NREP: variants seen among roughly 807,000 people sequenced by gnomAD.
NREP encodes neuronal regeneration-related protein.
Under a neutral mutation model 8.6 loss-of-function variants are expected in NREP, and 5 were observed. The ratio of observed to expected loss-of-function variants is 0.58; its 90% CI spans 0.30 to 1.22. NREP has a LOEUF of 1.22. NREP is among the 50% of genes most tolerant of loss of function. NREP has a pLI of 0.07. For missense variants in NREP, 86 were observed against 82.5 expected (o/e 1.04, Z -0.17); for synonymous variants, 27 against 28.0 (o/e 0.96, Z 0.11).
chr5:111,735,239 T>G, intron 3 of NREP, 191 bp downstream of exon 3: 1 of 449,622 alleles, frequency 2.2e-6, no homozygotes, highest in Non-Finnish European at 4.0e-6. Flanking sequence ...AGGAAGATAA[T>G]GTGAACTTTA....
intron 2 of NREP, among the ~76,000 whole-genome samples, chr5:111,843,034 T>A (rs551179127): frequency 1.1e-3 from 172 of 152,294 alleles, no homozygotes; most frequent in Non-Finnish European, 2.1e-3. Flanking sequence ...ATCTTTTTTA[T>A]GTTTAATCTA....
chr5:111,782,642 A>T (rs1751519375), intron 2 of NREP, among the ~76,000 whole-genome samples: 1 of 152,174 alleles, frequency 6.6e-6, no homozygotes, highest in South Asian at 2.1e-4. Flanking sequence ...TGATGAGTAA[A>T]ACAGAGAAAA....
intron 1 of NREP, chr5:111,756,296 T>TAAAAAAAAAA: frequency 4.2e-6 from 1 of 237,980 alleles, no homozygotes; most frequent in Non-Finnish European, 5.1e-6. Context: ...CTTCCGTGTT[T>TAAAAAAAAAA]AAAAAAAAAA....
chr5:111,776,415 G>A (rs1204222216), intron 2 of NREP, among the ~76,000 whole-genome samples: 1 of 152,120 alleles, frequency 6.6e-6, no homozygotes, highest in Non-Finnish European at 1.5e-5. Flanking sequence ...GTTTAGCAAT[G>A]TTCACTAAAG....
intron 2 of NREP, among the ~76,000 whole-genome samples, chr5:111,864,640 A>G (rs1285805658): frequency 6.6e-6 from 1 of 152,130 alleles, no homozygotes; most frequent in Non-Finnish European, 1.5e-5. Context: ...AAAGTTTGAG[A>G]AACACTGCTC....
intron 2 of NREP, among the ~76,000 whole-genome samples, chr5:111,786,449 T>A (rs1433271817): frequency 6.6e-6 from 1 of 152,206 alleles, no homozygotes; most frequent in Non-Finnish European, 1.5e-5. Flanking sequence ...TCTGTCTCTC[T>A]CCTGACCTCC....
At chr5:111,773,011 T>C (rs1751272696) in intron 2 of NREP, among the ~76,000 whole-genome samples, 1 of 152,204 alleles carries the variant, frequency 6.6e-6, no homozygotes, top group Non-Finnish European at 1.5e-5. Context: ...GTATTGATAA[T>C]TCTAGAATTT....
intron 2 of NREP, among the ~76,000 whole-genome samples, chr5:111,767,694 CTT>C (rs1751118782): frequency 2.0e-5 from 3 of 152,080 alleles, no homozygotes; most frequent in Admixed American, 2.0e-4. Flanking sequence ...GAGACAGAGT[CTT>C]TCTCTGTAAC....
intron 2 of NREP, among the ~76,000 whole-genome samples, chr5:111,788,413 G>A (rs554880930): frequency 1.3e-5 from 2 of 152,248 alleles, no homozygotes; most frequent in South Asian, 2.1e-4. Context: ...TGGAAATTAG[G>A]GAGAGAAACT....
In NREP at chr5:111,884,083, C is replaced by A. The variant is rs1034041204; in HGVS notation, c.135+91191G>T. Among the ~76,000 whole-genome samples, 15 of 151,728 alleles carry A rather than the reference C, an allele frequency of 9.9e-5. No homozygotes were observed. The South Asian group carries it at 3.1e-3, about 32-fold the overall frequency. On this transcript the variant is annotated intron_variant, in intron 2 of 3. Transcript: ENST00000395634. ...AAAACTGATAGACCACTAGGAAGAC[C>A]AATAAAGAAGAAAAGAGAGAAGAAT...
At chr5:111,785,125 G>T (rs1030946284) in intron 2 of NREP, among the ~76,000 whole-genome samples, 1 of 152,108 alleles carries the variant, frequency 6.6e-6, no homozygotes, top group East Asian at 1.9e-4. Flanking sequence ...TCTTCCAAGC[G>T]CCAATCCATC....
chr5:111,867,454 C>T (rs1013774279), intron 2 of NREP, among the ~76,000 whole-genome samples: 5 of 152,128 alleles, frequency 3.3e-5, no homozygotes, highest in Admixed American at 2.0e-4. Flanking sequence ...ATAAGGCCAC[C>T]AATGCTGTTG....
intron 2 of NREP, among the ~76,000 whole-genome samples, chr5:111,970,532 G>C (rs1356769530): frequency 6.6e-6 from 1 of 152,078 alleles, no homozygotes; most frequent in Non-Finnish European, 1.5e-5. Flanking sequence ...GATATGGCAA[G>C]AAGTCTTACT....
intron 2 of NREP, among the ~76,000 whole-genome samples, chr5:111,796,286 T>C (rs1308635279): frequency 1.3e-5 from 2 of 152,142 alleles, no homozygotes; most frequent in Non-Finnish European, 2.9e-5. Context: ...TTTGCCTCCT[T>C]CTTTCATCTT....
At chr5:111,902,516 T>C (rs932644194) in intron 2 of NREP, among the ~76,000 whole-genome samples, 1 of 152,028 alleles carries the variant, frequency 6.6e-6, no homozygotes, top group African/African-American at 2.4e-5. Context: ...CAAACTACAA[T>C]CAAAGTAACA....
intron 2 of NREP, among the ~76,000 whole-genome samples, chr5:111,913,941 C>T (rs1158590603): frequency 1.3e-5 from 2 of 152,048 alleles, no homozygotes; most frequent in Non-Finnish European, 2.9e-5. Flanking sequence ...GCATGCCAAG[C>T]TTGATTTAGG....
At chr5:111,795,156 C>A (rs552776658) in intron 2 of NREP, among the ~76,000 whole-genome samples, 1 of 152,260 alleles carries the variant, frequency 6.6e-6, no homozygotes, top group South Asian at 2.1e-4. Context: ...TTCTATTTTG[C>A]TTTCTTTTAG....
intron 2 of NREP, among the ~76,000 whole-genome samples, chr5:111,769,644 G>A (rs926226804): frequency 6.6e-6 from 1 of 152,194 alleles, no homozygotes; most frequent in African/African-American, 2.4e-5. Context: ...TCTGCAGGCT[G>A]CACAGAAAGC....
At chr5:111,829,360 G>T (rs900730697) in intron 2 of NREP, among the ~76,000 whole-genome samples, 1 of 152,188 alleles carries the variant, frequency 6.6e-6, no homozygotes, top group Non-Finnish European at 1.5e-5. Flanking sequence ...GGAGGCTGGA[G>T]TCAGAGAAAC....
Sources: allele counts gnomAD v4.1 joint callset (sites outside exome capture counted in the v4.1 genomes callset), GRCh38; gene constraint gnomAD v4.1.1; transcripts MANE v1.5; gene names NCBI Gene and HGNC (gene_info 2026-07-23, HGNC 2026-07-21).